The following OPHN1 variants were observed in gnomAD, a reference collection of about 807,000 sequenced individuals.
OPHN1 encodes the protein oligophrenin 1, also known as oligophrenin-1.
OPHN1 carries 11 observed loss-of-function variants against 60.7 expected under a neutral mutation model. The observed-to-expected ratio is 0.18, with a 90% CI of 0.11 to 0.30. OPHN1 has a LOEUF of 0.30. Ranked by LOEUF, OPHN1 falls within the 10% of genes least tolerant of loss-of-function variation. The pLI is 1.00. For synonymous variants in OPHN1, 226 were observed against 222.6 expected, an observed-to-expected ratio of 1.02 and a Z score of -0.14; for missense variants, 449 against 611.0, an observed-to-expected ratio of 0.73 and a Z score of 2.80.
At chrX:68,191,192 G>T (rs1238773796) in intron 15 of OPHN1, among the ~76,000 whole-genome samples, 2 of 111,947 alleles carry the variant, frequency 1.8e-5, no homozygotes, top group Non-Finnish European at 3.8e-5. Context: ...AGGTTTGCAG[G>T]GAGAGAAATG....
At chrX:68,393,187 A>T (rs1279224981) in intron 2 of OPHN1, among the ~76,000 whole-genome samples, 1 of 112,757 alleles carries the variant, frequency 8.9e-6, no homozygotes, top group East Asian at 2.8e-4. Flanking sequence ...CCTCTGTTGC[A>T]TGTCCTGCAA....
chrX:68,063,324 C>A (rs1198635646), intron 21 of OPHN1, among the ~76,000 whole-genome samples: 7 of 110,971 alleles, frequency 6.3e-5, no homozygotes. Flanking sequence ...AGTTTGAGAC[C>A]AGCCTGGCTA....
chrX:68,142,058 T>C (rs757463419), intron 15 of OPHN1, among the ~76,000 whole-genome samples: 2 of 111,943 alleles, frequency 1.8e-5, no homozygotes, highest in African/African-American at 6.5e-5. Flanking sequence ...CCGGGGCCCC[T>C]GGCAAACAGG....
chrX:68,431,513 T>A (rs1167895824), intron 2 of OPHN1, among the ~76,000 whole-genome samples: 1 of 111,597 alleles, frequency 9.0e-6, no homozygotes, highest in Admixed American at 9.5e-5. Flanking sequence ...ATCTCCTGGG[T>A]TCAAGTGATT....
chrX:68,301,378 G>GGA (rs1434767272), intron 2 of OPHN1, among the ~76,000 whole-genome samples: 1 of 103,686 alleles, frequency 9.6e-6, no homozygotes, highest in Non-Finnish European at 2.0e-5. Flanking sequence ...CCTGGGAGGT[G>GGA]GAGGTTGCAG....
At chrX:68,419,610 G>A (rs1174640821) in intron 2 of OPHN1, among the ~76,000 whole-genome samples, 2 of 100,518 alleles carry the variant, frequency 2.0e-5, no homozygotes, top group East Asian at 6.3e-4. Flanking sequence ...GTGTGATCAC[G>A]GCTCACTGCA....
intron 10 of OPHN1, among the ~76,000 whole-genome samples, chrX:68,205,188 G>A (rs1205706005): frequency 2.7e-5 from 3 of 111,319 alleles, no homozygotes; most frequent in African/African-American, 3.3e-5. Context: ...TGGCTCACAC[G>A]TGTAATCCCA....
chrX:68,115,874 A>T (rs1296727037), intron 16 of OPHN1, among the ~76,000 whole-genome samples: 1 of 112,125 alleles, frequency 8.9e-6, no homozygotes, highest in Non-Finnish European at 1.9e-5. Flanking sequence ...CTTGTGCCCA[A>T]GGTGGTCAGG....
At position 68,300,092 on chromosome X, in the gene OPHN1, C is replaced by T. The variant is rs2078112971; in HGVS notation, c.155-996G>A. Among the ~76,000 whole-genome samples, 3 of 112,042 alleles carry T rather than the reference C, an allele frequency of 2.7e-5. No individual in the cohort carries two copies. The Admixed American group carries it at 2.8e-4, about 11-fold the overall frequency. On this transcript the variant is annotated intron_variant, in intron 2 of 24. Coordinates refer to ENST00000355520, the MANE Select transcript of OPHN1 (RefSeq NM_002547.3). ...TACCAACAAAGCTAACCTGTTAGAC[C>T]ATGTTCTAGGAAAGCTTAAGCTTGT...
intron 18 of OPHN1, among the ~76,000 whole-genome samples, chrX:68,102,841 C>T (rs2077065364): frequency 9.0e-6 from 1 of 111,540 alleles, no homozygotes; most frequent in South Asian, 3.8e-4. Flanking sequence ...AGTTGTATCC[C>T]TGAATAGACC....
intron 2 of OPHN1, among the ~76,000 whole-genome samples, chrX:68,322,549 G>T (rs1454522864): frequency 9.0e-6 from 1 of 111,524 alleles, no homozygotes; most frequent in Non-Finnish European, 1.9e-5. Context: ...CATTTTGGGG[G>T]GTTGAGGCAA....
chrX:68,064,481 A>C (rs2076905898), intron 20 of OPHN1, among the ~76,000 whole-genome samples: 2 of 112,135 alleles, frequency 1.8e-5, no homozygotes, highest in Admixed American at 1.9e-4. Context: ...AAAAGACTTA[A>C]AGTCCCCAGT....
intron 2 of OPHN1, among the ~76,000 whole-genome samples, chrX:68,341,211 AG>A (rs1433669280): frequency 9.1e-6 from 1 of 110,301 alleles, no homozygotes; most frequent in Non-Finnish European, 1.9e-5. Context: ...TCAAAATGCA[AG>A]GATCAAGCTG....
In OPHN1 at chrX:68,186,986, C is replaced by T. The variant is rs1233246679; in HGVS notation, c.1276+5933G>A. 9.8e-5 allele frequency among the ~76,000 whole-genome samples: 11 copies of T among 111,800 alleles called. No homozygotes were observed. In the Admixed American group the frequency reaches 1.0e-3, roughly 11 times the overall value. On this transcript the variant is annotated intron_variant, in intron 15 of 24. Transcript: ENST00000355520. Reference sequence around the variant, plus strand: ...TTCACTCCCTAACAGATGTCATATGCCAATGAAAGGAATTTATTTCTGCTC... The same window carrying T: ...TTCACTCCCTAACAGATGTCATATGTCAATGAAAGGAATTTATTTCTGCTC...
chrX:68,368,406 G>A (rs775515087), intron 2 of OPHN1, among the ~76,000 whole-genome samples: 2 of 111,015 alleles, frequency 1.8e-5, no homozygotes, highest in East Asian at 5.7e-4. Flanking sequence ...GCTGGACATG[G>A]TGTTGTGCAC....
intron 2 of OPHN1, among the ~76,000 whole-genome samples, chrX:68,327,930 C>G (rs1290151130): frequency 2.9e-5 from 3 of 103,079 alleles, no homozygotes. Context: ...CCTGGGTTCA[C>G]GCCATTCTCC....
At chrX:68,317,561 AAGAAAGAAAGAAAG>A (rs1277434487) in intron 2 of OPHN1, among the ~76,000 whole-genome samples, 5 of 82,954 alleles carry the variant, frequency 6.0e-5, no homozygotes, top group African/African-American at 2.2e-4. Context: ...GAAAGAAAGA[AAGAAAGAAAGAAAG>A]AGAAAGAAAG....
intron 2 of OPHN1, among the ~76,000 whole-genome samples, chrX:68,404,070 C>T (rs2078728630): frequency 9.1e-6 from 1 of 110,305 alleles, no homozygotes. Flanking sequence ...GCACAATAGG[C>T]TTAATGATAA....
chrX:68,113,283 C>A, intron 16 of OPHN1, 44 bp from the exon 17 acceptor site: 1 of 1,064,163 alleles, frequency 9.4e-7, no homozygotes. Flanking sequence ...AAGAAAGCAG[C>A]TGGGTATTGG....
Sources: allele counts gnomAD v4.1 joint callset (sites outside exome capture counted in the v4.1 genomes callset), GRCh38; gene constraint gnomAD v4.1.1; transcripts MANE v1.5; gene names NCBI Gene and HGNC (gene_info 2026-07-23, HGNC 2026-07-21).